Variants in RBM46 observed in about 807,000 individuals in gnomAD.
RBM46 encodes the protein probable RNA-binding protein 46.
Under a neutral mutation model 43.3 loss-of-function variants are expected in RBM46, and 12 were observed. That is an observed-to-expected ratio of 0.28 (90% CI 0.18 to 0.45). The LOEUF (loss-of-function observed/expected upper bound fraction) is 0.45. RBM46 is among the 20% of genes least tolerant of loss of function. The pLI, the probability that RBM46 is intolerant of heterozygous loss-of-function variation, is 1.00. For synonymous variants in RBM46, 205 were observed against 207.6 expected (o/e 0.99, Z 0.11); for missense variants, 412 against 639.1 (o/e 0.64, Z 3.83).
At chr4:154,816,414 C>T (rs1169248647) in intron 4 of RBM46, among the ~76,000 whole-genome samples, 2 of 152,066 alleles carry the variant, frequency 1.3e-5, no homozygotes, top group Non-Finnish European at 2.9e-5. Context: ...AAAATTTGCT[C>T]TCTCAGTAGT....
chr4:154,797,823 C>T lies in RBM46; in HGVS notation c.164C>T (p.Pro55Leu). The stretch of plus-strand genomic sequence containing the variant: ...TTTTGTCGTTCAGGTTGGGAAGGTC[C>T]ACCTCCACCTAGAGGCTGTGAAGTT... The part of the protein sequence containing the change: ...FGGPPPGWEG[P>L]PPPRGCEVFV... Residue 55 changes from proline (P) to leucine (L), a missense_variant, in exon 3 of 5, where the codon CCA becomes CTA. Coordinates refer to ENST00000281722, the MANE Select transcript of RBM46 (RefSeq NM_144979.5). 1 of 1,526,766 alleles carries T rather than the reference C, an allele frequency of 6.5e-7. No homozygotes were observed. Among genetic ancestry groups the T allele is most frequent in the Non-Finnish European group, 8.8e-7 (1 of 1,141,222 alleles). The allele number at this position is 1,526,766 out of a possible 1,614,324, so 94.6% of individuals were successfully genotyped here.
chr4:154,813,948 A>C (rs1222364554), intron 4 of RBM46, among the ~76,000 whole-genome samples: 1 of 152,036 alleles, frequency 6.6e-6, no homozygotes, highest in Admixed American at 6.5e-5. Context: ...TTTTCTGTCA[A>C]ACTAAAGACC....
intron 4 of RBM46, among the ~76,000 whole-genome samples, chr4:154,813,393 AT>A (rs1735278614): frequency 6.6e-6 from 1 of 152,016 alleles, no homozygotes. Flanking sequence ...CATATGGATG[AT>A]TTTATATTGG....
chr4:154,800,480 A>G (rs1030926678), intron 4 of RBM46, among the ~76,000 whole-genome samples: 5 of 152,230 alleles, frequency 3.3e-5, no homozygotes. Flanking sequence ...CGTTTGAAGG[A>G]TAATTATGAA....
At position 154,797,918 on chromosome 4, in the gene RBM46, A is replaced by G; in HGVS notation, c.259A>G (p.Ile87Val). The change falls in exon 3 of 5, where the codon ATA becomes GTA. Residue 87 changes from isoleucine (I) to valine (V), a missense_variant. Physicochemically the swap from Ile to Val is conservative, Grantham distance 29. Coordinates refer to ENST00000281722, the MANE Select transcript of RBM46 (RefSeq NM_144979.5). ...LVPVFERAGK[I>V]YEFRLMMEFS... is the part of the protein sequence containing the mutation. ...TCCTGTATTTGAAAGAGCTGGGAAG[A>G]TATATGAATTTCGACTTATGATGGA... The G allele has an allele frequency of 6.2e-7, 1 of 1,613,070 alleles. No homozygotes were observed. Among genetic ancestry groups the G allele is most frequent in the Non-Finnish European group, 8.5e-7 (1 of 1,179,672 alleles).
intron 4 of RBM46, among the ~76,000 whole-genome samples, chr4:154,806,145 C>CT (rs924378006): frequency 3.3e-4 from 49 of 148,572 alleles, no homozygotes; most frequent in Admixed American, 1.2e-3. Flanking sequence ...TTGAAGTTTA[C>CT]TTTTTTTTTT....
intron 4 of RBM46, among the ~76,000 whole-genome samples, chr4:154,801,242 G>A (rs1358990959): frequency 6.6e-6 from 1 of 152,096 alleles, no homozygotes; most frequent in African/African-American, 2.4e-5. Context: ...GCCTCCCAAA[G>A]TATATTACAA....
intron 4 of RBM46, among the ~76,000 whole-genome samples, chr4:154,806,777 T>C (rs1734927547): frequency 6.6e-6 from 1 of 151,854 alleles, no homozygotes; most frequent in Non-Finnish European, 1.5e-5. Flanking sequence ...AAAACCAAGG[T>C]TTTTAGAAAA....
Position 154,797,722 on chromosome 4 carries a change from A to G in RBM46, c.152-89A>G, listed in dbSNP as rs912591763. 1.0e-5 allele frequency: 9 copies of G among 881,648 alleles called. No individual in the cohort carries two copies. The African/African-American group carries it at 1.2e-4, about 12-fold the overall frequency. The allele number at this position is 881,648 out of a possible 1,614,324, so 54.6% of individuals were successfully genotyped here. A position where few individuals can be genotyped will look rare whatever the true frequency, so the allele number is the denominator to read the frequency against. On this transcript the variant is annotated intron_variant, in intron 2 of 4. Coordinates refer to ENST00000281722, the MANE Select transcript of RBM46 (RefSeq NM_144979.5). ...CCTAGAATTGTGAGTGGCACATAGC[A>G]CAGCAAATTTGTTGAATGAATATAT...
At chr4:154,817,834 C>T (rs960156999) in intron 4 of RBM46, among the ~76,000 whole-genome samples, 37 of 151,548 alleles carry the variant, frequency 2.4e-4, no homozygotes, top group African/African-American at 8.7e-4. Context: ...CATTTCTTGC[C>T]TTTTTTTTAT....
At chr4:154,792,399 A>G (rs1433496520) in intron 1 of RBM46, among the ~76,000 whole-genome samples, 1 of 152,190 alleles carries the variant, frequency 6.6e-6, no homozygotes, top group Non-Finnish European at 1.5e-5. Flanking sequence ...AATCTGACCA[A>G]CAACTGGAAT....
At chr4:154,806,145 CT>C (rs924378006) in intron 4 of RBM46, among the ~76,000 whole-genome samples, 9 of 148,644 alleles carry the variant, frequency 6.1e-5, no homozygotes, top group South Asian at 4.2e-4. Context: ...TTGAAGTTTA[CT>C]TTTTTTTTTC....
intron 1 of RBM46, among the ~76,000 whole-genome samples, chr4:154,790,057 C>T (rs1578895019): frequency 6.6e-6 from 1 of 152,144 alleles, no homozygotes; most frequent in African/African-American, 2.4e-5. Flanking sequence ...TGATTCTTCT[C>T]TCTTTTCTTC....
At chr4:154,791,385 C>T (rs1233010557) in intron 1 of RBM46, among the ~76,000 whole-genome samples, 1 of 151,990 alleles carries the variant, frequency 6.6e-6, no homozygotes, top group Non-Finnish European at 1.5e-5. Flanking sequence ...GGTCAGGTGC[C>T]GTGACTCACG....
At chr4:154,824,577 G>A (rs557218727) in intron 4 of RBM46, among the ~76,000 whole-genome samples, 4 of 152,020 alleles carry the variant, frequency 2.6e-5, no homozygotes, top group African/African-American at 7.2e-5. Flanking sequence ...TTGAGAGATT[G>A]TCTGGATTAT....
At chr4:154,807,407 C>A (rs1457301489) in intron 4 of RBM46, among the ~76,000 whole-genome samples, 3 of 151,654 alleles carry the variant, frequency 2.0e-5, no homozygotes, top group Non-Finnish European at 4.4e-5. Flanking sequence ...GCCTATCATG[C>A]CCTTATCTCT....
intron 4 of RBM46, among the ~76,000 whole-genome samples, chr4:154,799,784 G>A (rs1454459767): frequency 2.8e-5 from 4 of 144,514 alleles, no homozygotes; most frequent in African/African-American, 1.0e-4. Flanking sequence ...TTGAGAGATG[G>A]AGTCTTGCTT....
chr4:154,799,431 A>T lies in RBM46; in HGVS notation c.1269A>T (p.Lys423Asn), dbSNP rs371832877. 1.2e-6 allele frequency: 2 copies of T among 1,614,128 alleles called. No homozygotes were observed. The highest frequency in any genetic ancestry group is 1.7e-6 in the Non-Finnish European group (2 of 1,180,000). The change falls in exon 4 of 5, where the codon AAA becomes AAT. Residue 423 changes from lysine to asparagine, a missense_variant. Lys to Asn is a moderately conservative substitution (Grantham distance 94). Coordinates refer to ENST00000281722, the MANE Select transcript of RBM46 (RefSeq NM_144979.5). ...YLYSTTSQDG[K>N]VLLVYKIVIP... ...ATTCAACAACAAGTCAAGATGGGAA[A>T]GTACTCTTGGTGTATAAGATAGTTA...
At chr4:154,786,091 A>C (rs961003910) in intron 1 of RBM46, among the ~76,000 whole-genome samples, 2 of 152,134 alleles carry the variant, frequency 1.3e-5, no homozygotes, top group Admixed American at 6.6e-5. Flanking sequence ...GTCAATCCTT[A>C]TCTTCTGTTT....
Sources: allele counts gnomAD v4.1 joint callset (sites outside exome capture counted in the v4.1 genomes callset), GRCh38; gene constraint gnomAD v4.1.1; transcripts MANE v1.5; gene names NCBI Gene and HGNC (gene_info 2026-07-23, HGNC 2026-07-21).